NFIA: variants seen among roughly 807,000 people sequenced by gnomAD.
NFIA encodes nuclear factor 1 A-type.
A neutral mutation model predicts 62.8 loss-of-function variants in NFIA; 8 were observed. The observed-to-expected ratio is 0.13, with a 90% CI of 0.07 to 0.23. The LOEUF is 0.23. Among genes scored for constraint, NFIA ranks in the 10% least tolerant of loss-of-function variants. The probability of loss-of-function intolerance (pLI) is 1.00; values close to 1 mark genes in which losing one functional copy is unlikely to be tolerated. For synonymous variants in NFIA, 235 were observed against 238.1 expected, an observed-to-expected ratio of 0.99 and a Z score of 0.12; for missense variants, 410 against 642.1, an observed-to-expected ratio of 0.64 and a Z score of 3.91.
At chr1:61,140,371 G>T (rs2100504586) in intron 2 of NFIA, among the ~76,000 whole-genome samples, 1 of 150,566 alleles carries the variant, frequency 6.6e-6, no homozygotes, top group East Asian at 2.0e-4. Context: ...GGCGGGCGGG[G>T]GCGGGGGGAG....
intron 10 of NFIA, among the ~76,000 whole-genome samples, chr1:61,429,443 T>G (rs532952795): frequency 6.6e-6 from 1 of 152,340 alleles, no homozygotes; most frequent in Admixed American, 6.5e-5. Flanking sequence ...GTTACTGCCT[T>G]ATGAGCTGGT....
At chr1:61,189,622 G>C (rs982166033) in intron 2 of NFIA, among the ~76,000 whole-genome samples, 2 of 152,088 alleles carry the variant, frequency 1.3e-5, no homozygotes, top group African/African-American at 4.8e-5. Context: ...CCGAGATCGG[G>C]CCACTGCACT....
intron 2 of NFIA, among the ~76,000 whole-genome samples, chr1:61,257,530 G>T (rs1052745424): frequency 6.6e-6 from 1 of 151,622 alleles, no homozygotes; most frequent in Admixed American, 6.6e-5. Flanking sequence ...AGTAGAGACG[G>T]GGTTTCACCA....
In NFIA at chr1:61,126,462, A is replaced by ACACACACT. The variant is rs1553153085; in HGVS notation, c.559+37789_559+37790insTCACACAC. ...AACACACACACACACACACACACAC[A>ACACACACT]CACACACACACACTCACAGAAATAT... On this transcript the variant is annotated intron_variant, in intron 2 of 10. Transcript: ENST00000403491. 3.5e-3 allele frequency among the ~76,000 whole-genome samples: 515 copies of ACACACACT among 145,922 alleles called. 5 individuals carry two copies. Among genetic ancestry groups the ACACACACT allele is most frequent in the South Asian group, 6.0e-3 (27 of 4,534 alleles).
upstream of NFIA, chr1:61,081,921 A>AT: frequency 1.3e-6 from 2 of 1,549,460 alleles, no homozygotes. Flanking sequence ...AGGAGGTCTG[A>AT]TTTTTCAAAG....
At chr1:61,344,939 A>G (rs768992256) in intron 4 of NFIA, among the ~76,000 whole-genome samples, 9 of 152,192 alleles carry the variant, frequency 5.9e-5, no homozygotes, top group Non-Finnish European at 1.3e-4. Context: ...ACCTTATCCA[A>G]CTACTAATGT....
At chr1:61,422,793 A>T (rs1380920164) in intron 9 of NFIA, among the ~76,000 whole-genome samples, 1 of 150,552 alleles carries the variant, frequency 6.6e-6, no homozygotes, top group Non-Finnish European at 1.5e-5. Flanking sequence ...TTCCCCTACT[A>T]ACCCTCTCCA....
intron 2 of NFIA, among the ~76,000 whole-genome samples, chr1:61,257,829 C>A (rs900847647): frequency 4.0e-5 from 6 of 151,618 alleles, no homozygotes; most frequent in Non-Finnish European, 2.9e-5. Context: ...CTCATCTCAG[C>A]CTCCTGAGTA....
At chr1:61,236,157 TAAAAAA>T (rs796914311) in intron 2 of NFIA, among the ~76,000 whole-genome samples, 1 of 138,328 alleles carries the variant, frequency 7.2e-6, no homozygotes, top group Non-Finnish European at 1.6e-5. Context: ...AAGTCCATCT[TAAAAAA>T]AAAAAAAAGG....
At chr1:61,140,476 C>T (rs1177734320) in intron 2 of NFIA, among the ~76,000 whole-genome samples, 1 of 151,982 alleles carries the variant, frequency 6.6e-6, no homozygotes, top group Non-Finnish European at 1.5e-5. Flanking sequence ...TAGAGTAGAC[C>T]TGTATTGTTC....
At chr1:61,336,967 C>T (rs1661646676) in intron 4 of NFIA, among the ~76,000 whole-genome samples, 1 of 152,202 alleles carries the variant, frequency 6.6e-6, no homozygotes, top group Non-Finnish European at 1.5e-5. Flanking sequence ...TATTTACTTA[C>T]ACTAGGTTTC....
chr1:61,343,937 C>T (rs1662069538), intron 4 of NFIA, among the ~76,000 whole-genome samples: 1 of 152,210 alleles, frequency 6.6e-6, no homozygotes, highest in Non-Finnish European at 1.5e-5. Flanking sequence ...ATACAAATTA[C>T]TTACACTGGT....
intron 10 of NFIA, among the ~76,000 whole-genome samples, chr1:61,432,274 A>G (rs1427428326): frequency 3.3e-5 from 5 of 149,766 alleles, no homozygotes; most frequent in South Asian, 2.1e-4. Context: ...ACCCATCCCA[A>G]TAAGAGACAT....
At chr1:61,261,257 G>C (rs1656756498) in intron 2 of NFIA, among the ~76,000 whole-genome samples, 2 of 152,074 alleles carry the variant, frequency 1.3e-5, no homozygotes, top group African/African-American at 4.8e-5. Flanking sequence ...CCCCTCTGTT[G>C]CACTCACATT....
At chr1:61,239,732 T>C (rs1332818168) in intron 2 of NFIA, among the ~76,000 whole-genome samples, 1 of 152,174 alleles carries the variant, frequency 6.6e-6, no homozygotes, top group Non-Finnish European at 1.5e-5. Flanking sequence ...TTCGAAATAA[T>C]TGTCAAATAT....
intron 2 of NFIA, among the ~76,000 whole-genome samples, chr1:61,199,758 G>C (rs1253725006): frequency 1.3e-5 from 2 of 151,764 alleles, no homozygotes; most frequent in Non-Finnish European, 2.9e-5. Flanking sequence ...ACTTTGGGAG[G>C]CCGAGGTAGG....
chr1:61,274,276 T>G (rs1264972796), intron 2 of NFIA, among the ~76,000 whole-genome samples: 14 of 152,226 alleles, frequency 9.2e-5, no homozygotes, highest in Non-Finnish European at 1.5e-5. Flanking sequence ...TTTAAATTTC[T>G]GCTCATAAAT....
chr1:61,330,744 T>C (rs1256906639), intron 3 of NFIA, among the ~76,000 whole-genome samples: 1 of 152,154 alleles, frequency 6.6e-6, no homozygotes, highest in East Asian at 1.9e-4. Context: ...ATTTCAAAGA[T>C]TGGAACTGAA....
chr1:61,158,577 C>G (rs1384155805), intron 2 of NFIA, among the ~76,000 whole-genome samples: 5 of 152,174 alleles, frequency 3.3e-5, no homozygotes, highest in African/African-American at 1.2e-4. Context: ...AGTGCACTGT[C>G]TCAGTATTCT....
Sources: allele counts gnomAD v4.1 joint callset (sites outside exome capture counted in the v4.1 genomes callset), GRCh38; gene constraint gnomAD v4.1.1; transcripts MANE v1.5; gene names NCBI Gene and HGNC (gene_info 2026-07-23, HGNC 2026-07-21).